The following SIPA1L2 variants were observed in gnomAD, a reference collection of about 807,000 sequenced individuals.
The protein encoded by SIPA1L2 is signal-induced proliferation-associated 1-like protein 2.
SIPA1L2 carries 56 observed loss-of-function variants against 163.9 expected under a neutral mutation model. The observed-to-expected ratio is 0.34, with a 90% CI of 0.28 to 0.43. The LOEUF (loss-of-function observed/expected upper bound fraction) is 0.43. Among genes scored for constraint, SIPA1L2 ranks in the 20% least tolerant of loss-of-function variants. The pLI is 1.00. For synonymous variants in SIPA1L2, 877 were observed against 865.7 expected, an observed-to-expected ratio of 1.01 and a Z score of -0.23; for missense variants, 1,974 against 2,193.5, an observed-to-expected ratio of 0.90 and a Z score of 2.00.
chr1:232,501,073 T>TTTTTTTTTTC (rs71173222), intron 3 of SIPA1L2, among the ~76,000 whole-genome samples: 4 of 136,002 alleles, frequency 2.9e-5, no homozygotes, highest in African/African-American at 5.9e-5. Context: ...TTTTTTTTTT[T>TTTTTTTTTTC]GTGAGACAGA....
intron 3 of SIPA1L2, among the ~76,000 whole-genome samples, chr1:232,506,640 A>G (rs575808531): frequency 5.9e-5 from 9 of 152,340 alleles, no homozygotes; most frequent in African/African-American, 2.2e-4. Context: ...TACATACAAC[A>G]TATTATTCTT....
rs1186993512 is a variant in SIPA1L2 at position 232,399,269 on chromosome 1, T to C, written c.5027A>G (p.Lys1676Arg). The C allele has an allele frequency of 6.2e-7, 1 of 1,613,278 alleles. No individual in the cohort carries two copies. Among genetic ancestry groups the C allele is most frequent in the East Asian group, 2.2e-5 (1 of 44,838 alleles). ...RQLQTDLRKE[K>R]QDKAVLQAEV... ...TGCTTGGAGAACGGCCTTGTCTTGT[T>C]TTTCCTGGTCAGAGCAGAAATAAAC... Residue 1676 changes from lysine (K) to arginine (R), a missense_variant, in exon 23 of 23, where the codon AAA (lysine) becomes AGA (arginine). Around this residue, in one of 3 missense-constraint regions of SIPA1L2, gnomAD observed 1,079 missense variants for 1,150.7 expected, o/e 0.94. Transcript: ENST00000674635.
intron 15 of SIPA1L2, among the ~76,000 whole-genome samples, chr1:232,438,621 T>C (rs528387812): frequency 5.3e-5 from 8 of 152,338 alleles, no homozygotes; most frequent in Admixed American, 4.6e-4. Flanking sequence ...GAACACACTT[T>C]CATTGTTATA....
At chr1:232,464,230 T>C (rs190056472) in intron 9 of SIPA1L2, among the ~76,000 whole-genome samples, 1 of 152,332 alleles carries the variant, frequency 6.6e-6, no homozygotes, top group Admixed American at 6.5e-5. Flanking sequence ...GGAGCAGAAA[T>C]ATGACTACTG....
intron 3 of SIPA1L2, among the ~76,000 whole-genome samples, chr1:232,509,415 C>G (rs1666878731): frequency 6.6e-6 from 1 of 152,132 alleles, no homozygotes; most frequent in East Asian, 1.9e-4. Context: ...TAAAAGCACT[C>G]TGGAAAGTAT....
At chr1:232,540,671 C>T (rs1448729248) in intron 2 of SIPA1L2, among the ~76,000 whole-genome samples, 1 of 151,670 alleles carries the variant, frequency 6.6e-6, no homozygotes, top group Non-Finnish European at 1.5e-5. Flanking sequence ...GGGGAAAAAA[C>T]AGAAACATGC....
Position 232,471,368 on chromosome 1 carries a change from C to T in SIPA1L2, c.2243+3G>A, listed in dbSNP as rs760386085. 5.6e-6 allele frequency: 9 copies of T among 1,610,672 alleles called. No homozygotes were observed. In the South Asian group the frequency reaches 1.0e-4, roughly 18 times the overall value. On this transcript the variant is annotated splice_donor_region_variant and intron_variant, in intron 8 of 22. Coordinates refer to ENST00000674635, the MANE Select transcript of SIPA1L2 (RefSeq NM_020808.5). ...AATGATAGATCAGGGATGACTGACT[C>T]ACCTATAACACACATTTTCGGTACA... is the stretch of plus-strand genomic sequence containing the variant.
rs1664207654 is a variant in SIPA1L2, at chr1:232,461,014, G to A, written c.2968C>T (p.Arg990Cys). 1.9e-6 allele frequency: 3 copies of A among 1,614,294 alleles called. No homozygotes were observed. The highest frequency in any genetic ancestry group is 1.7e-6 in the Non-Finnish European group (2 of 1,180,056). Residue 990 changes from arginine (R) to cysteine (C), a missense_variant, in exon 10 of 23, where the codon CGC becomes TGC. Around this residue, in one of 3 missense-constraint regions of SIPA1L2, gnomAD observed 1,079 missense variants for 1,150.7 expected, o/e 0.94. Transcript: ENST00000674635. ...GCTACTTTGCAGATCTCCACGAGGC[G>A]GCTCCCTTGGCGAAGGCCAGCCTTC... ...AWKAGLRQGS[R>C]LVEICKVAVA...
chr1:232,537,397 CA>C (rs1320089795), intron 2 of SIPA1L2, among the ~76,000 whole-genome samples: 3 of 151,946 alleles, frequency 2.0e-5, no homozygotes, highest in Non-Finnish European at 4.4e-5. Context: ...AATAGTATAA[CA>C]GCAAAACATC....
intron 1 of SIPA1L2, among the ~76,000 whole-genome samples, chr1:232,605,715 A>G (rs951065240): frequency 1.4e-5 from 2 of 139,982 alleles, no homozygotes; most frequent in African/African-American, 5.2e-5. Context: ...AAAACAAAAC[A>G]AAACAAAAAA....
At chr1:232,512,502 A>G (rs570873320) in intron 3 of SIPA1L2, among the ~76,000 whole-genome samples, 1 of 152,320 alleles carries the variant, frequency 6.6e-6, no homozygotes, top group Admixed American at 6.5e-5. Context: ...TAGATAAAGA[A>G]ACTACCATAC....
intron 3 of SIPA1L2, among the ~76,000 whole-genome samples, chr1:232,509,947 A>T (rs1573003790): frequency 1.3e-5 from 2 of 152,190 alleles, no homozygotes; most frequent in Non-Finnish European, 2.9e-5. Context: ...TGCAGGCACA[A>T]CAGCACCTTC....
chr1:232,413,296 T>A lies in SIPA1L2; in HGVS notation c.4762+2198A>T, dbSNP rs147322208. On this transcript the variant is annotated intron_variant, in intron 19 of 22. Transcript: ENST00000674635. ...GACAAAGTGTGGATGTCATAGTAGTTAAGTGACTTGTCCAAAGGCCTATGG... is the reference window on the plus strand; with the variant it reads ...GACAAAGTGTGGATGTCATAGTAGTAAAGTGACTTGTCCAAAGGCCTATGG... Among the ~76,000 whole-genome samples the A allele has an allele frequency of 7.7e-3, 1,177 of 152,342 alleles. 8 individuals are homozygous for A. The highest frequency in any genetic ancestry group is 0.022 in the African/African-American group (926 of 41,584).
intron 3 of SIPA1L2, among the ~76,000 whole-genome samples, chr1:232,501,337 T>C (rs1666471565): frequency 6.6e-6 from 1 of 152,118 alleles, no homozygotes; most frequent in African/African-American, 2.4e-5. Context: ...ACCAAAAACA[T>C]TGTGCGACTC....
intron 4 of SIPA1L2, among the ~76,000 whole-genome samples, chr1:232,491,681 C>G (rs1467669896): frequency 1.3e-5 from 2 of 152,104 alleles, no homozygotes; most frequent in African/African-American, 4.8e-5. Context: ...TGCCTAAGAT[C>G]TAATATGATG....
chr1:232,595,088 C>T (rs558967958), intron 1 of SIPA1L2, among the ~76,000 whole-genome samples: 1 of 152,314 alleles, frequency 6.6e-6, no homozygotes, highest in South Asian at 2.1e-4. Flanking sequence ...ACAACCGTGG[C>T]TAGCTGCTAG....
At chr1:232,433,782 G>A (rs1042694911) in intron 15 of SIPA1L2, among the ~76,000 whole-genome samples, 3 of 152,220 alleles carry the variant, frequency 2.0e-5, no homozygotes, top group East Asian at 1.9e-4. Flanking sequence ...TAATCTCAGC[G>A]TTCAGAAAGG....
chr1:232,629,369 G>C (rs900252367), intron 1 of SIPA1L2, among the ~76,000 whole-genome samples: 2 of 152,180 alleles, frequency 1.3e-5, no homozygotes, highest in Non-Finnish European at 2.9e-5. Flanking sequence ...AGCGCTCGCC[G>C]GAGGCTCCCG....
chr1:232,485,869 T>G (rs1276677282), intron 5 of SIPA1L2, among the ~76,000 whole-genome samples: 2 of 152,178 alleles, frequency 1.3e-5, no homozygotes, highest in Non-Finnish European at 2.9e-5. Flanking sequence ...CCAGTGCCTG[T>G]GCATCTCAGT....
Sources: allele counts gnomAD v4.1 joint callset (sites outside exome capture counted in the v4.1 genomes callset), GRCh38; gene constraint gnomAD v4.1.1; regional missense constraint gnomAD v4.1.1; transcripts MANE v1.5; gene names NCBI Gene and HGNC (gene_info 2026-07-23, HGNC 2026-07-21).